The following KCND3 variants were observed in gnomAD, a reference collection of about 807,000 sequenced individuals.
The protein encoded by KCND3 is potassium voltage-gated channel subfamily D member 3, also known as A-type voltage-gated potassium channel KCND3.
A neutral mutation model predicts 51.1 loss-of-function variants in KCND3; 9 were observed. The observed-to-expected ratio is 0.18, with a 90% CI of 0.11 to 0.31. The LOEUF (loss-of-function observed/expected upper bound fraction) is 0.31, where lower values mean the gene tolerates loss of function less well. Among genes scored for constraint, KCND3 ranks in the 10% least tolerant of loss-of-function variants. The pLI is 1.00. For synonymous variants in KCND3, 349 were observed against 368.0 expected, an observed-to-expected ratio of 0.95 and a Z score of 0.59; for missense variants, 526 against 903.8, an observed-to-expected ratio of 0.58 and a Z score of 5.36.
At chr1:111,881,047 T>C (rs934516455) in intron 2 of KCND3, among the ~76,000 whole-genome samples, 1 of 152,120 alleles carries the variant, frequency 6.6e-6, no homozygotes, top group Non-Finnish European at 1.5e-5. Flanking sequence ...CTCTCCCATC[T>C]CAGCTGCTGG....
intron 2 of KCND3, among the ~76,000 whole-genome samples, chr1:111,941,254 A>C (rs1033570012): frequency 6.6e-6 from 1 of 152,082 alleles, no homozygotes; most frequent in Non-Finnish European, 1.5e-5. Context: ...ACATTGTGGA[A>C]GGGTGTCGGC....
At chr1:111,826,576 T>G (rs1473524260) in intron 2 of KCND3, among the ~76,000 whole-genome samples, 1 of 152,190 alleles carries the variant, frequency 6.6e-6, no homozygotes. Context: ...TCAGGGCTCT[T>G]AATCTTTCTA....
intron 2 of KCND3, among the ~76,000 whole-genome samples, chr1:111,931,075 A>C (rs2101861035): frequency 6.6e-6 from 1 of 152,366 alleles, no homozygotes. Context: ...AGGAAAGCAC[A>C]GAAGAGTGTC....
Position 111,942,891 on chromosome 1 carries a change from G to C in KCND3, c.1106+38730C>G, listed in dbSNP as rs1437192978. On this transcript the variant is annotated intron_variant, in intron 2 of 7. Coordinates refer to ENST00000302127, the MANE Select transcript of KCND3 (RefSeq NM_001378969.1). ...AGGAAGTGCAGAACTTGGACTTCCC[G>C]GCCTTCTTTCTGACACAAAAGTGGA... Among the ~76,000 whole-genome samples the C allele has an allele frequency of 2.0e-5, 3 of 152,248 alleles. No homozygotes were observed. In the East Asian group the frequency reaches 5.8e-4, roughly 29 times the overall value.
chr1:111,950,552 G>A (rs186864252), intron 2 of KCND3, among the ~76,000 whole-genome samples: 2 of 152,316 alleles, frequency 1.3e-5, no homozygotes, highest in East Asian at 3.9e-4. Flanking sequence ...ATTGAATGGA[G>A]GCATGTCCTG....
intron 2 of KCND3, among the ~76,000 whole-genome samples, chr1:111,928,669 A>G (rs1055246326): frequency 8.5e-5 from 13 of 152,226 alleles, no homozygotes; most frequent in Non-Finnish European, 1.8e-4. Flanking sequence ...CCAGGAACGA[A>G]GAAGCTGCTG....
chr1:111,951,160 A>G (rs1416160832), intron 2 of KCND3, among the ~76,000 whole-genome samples: 3 of 111,276 alleles, frequency 2.7e-5, no homozygotes, highest in Non-Finnish European at 3.6e-5. Context: ...ACAAGAGCAA[A>G]AAAAAAAAAA....
chr1:111,817,505 C>T (rs1285435648), intron 2 of KCND3, among the ~76,000 whole-genome samples: 1 of 152,130 alleles, frequency 6.6e-6, no homozygotes, highest in African/African-American at 2.4e-5. Context: ...ATGACTTACA[C>T]TGGGGGGTTA....
At chr1:111,867,853 G>C (rs939451404) in intron 2 of KCND3, among the ~76,000 whole-genome samples, 1 of 152,198 alleles carries the variant, frequency 6.6e-6, no homozygotes, top group African/African-American at 2.4e-5. Flanking sequence ...GTCTTCATAG[G>C]TAAGAGCACA....
chr1:111,947,230 A>G (rs532647248), intron 2 of KCND3, among the ~76,000 whole-genome samples: 25 of 152,314 alleles, frequency 1.6e-4, no homozygotes, highest in African/African-American at 6.0e-4. Flanking sequence ...AATTTTGCCC[A>G]ATTCCTGTGT....
chr1:111,951,933 C>T (rs1382751432), intron 2 of KCND3, among the ~76,000 whole-genome samples: 1 of 152,152 alleles, frequency 6.6e-6, no homozygotes, highest in Non-Finnish European at 1.5e-5. Context: ...TACAGAAAGA[C>T]AGCAGGGATT....
intron 2 of KCND3, among the ~76,000 whole-genome samples, chr1:111,975,488 C>T (rs555192384): frequency 2.0e-5 from 3 of 152,270 alleles, no homozygotes; most frequent in South Asian, 2.1e-4. Context: ...GAATTGCTTA[C>T]TTCTCCCATC....
At chr1:111,806,324 C>T (rs528084351) in intron 2 of KCND3, among the ~76,000 whole-genome samples, 3 of 152,346 alleles carry the variant, frequency 2.0e-5, no homozygotes, top group South Asian at 2.1e-4. Context: ...GTGGCCCTCA[C>T]GGCCCGGCCC....
chr1:111,835,738 CA>C (rs2101629482), intron 2 of KCND3, among the ~76,000 whole-genome samples: 1 of 152,348 alleles, frequency 6.6e-6, no homozygotes, highest in African/African-American at 2.4e-5. Flanking sequence ...GCCCTTTTCC[CA>C]GAAAACTTAT....
chr1:111,924,996 G>A (rs949010055), intron 2 of KCND3, among the ~76,000 whole-genome samples: 2 of 152,204 alleles, frequency 1.3e-5, no homozygotes, highest in African/African-American at 4.8e-5. Context: ...CACCTTGTGG[G>A]CAACCCGACC....
intron 2 of KCND3, among the ~76,000 whole-genome samples, chr1:111,950,423 G>GA (rs1673003781): frequency 6.6e-6 from 1 of 152,162 alleles, no homozygotes; most frequent in Non-Finnish European, 1.5e-5. Context: ...TCAAGTGCAA[G>GA]ACTTTATCCC....
At chr1:111,960,689 G>T (rs985836423) in intron 2 of KCND3, among the ~76,000 whole-genome samples, 4 of 152,260 alleles carry the variant, frequency 2.6e-5, no homozygotes, top group Non-Finnish European at 5.9e-5. Context: ...AGGCTTGACT[G>T]AAGTGTAAAC....
rs558338757 is a variant in KCND3, at chr1:111,780,368, C to T, written c.1372-54G>A. The T allele has an allele frequency of 6.1e-5, 90 of 1,471,366 alleles. 1 individual carries two copies. The South Asian group carries it at 8.4e-4, about 14-fold the overall frequency. The allele number at this position is 1,471,366 out of a possible 1,614,324, so 91.1% of individuals were successfully genotyped here. On this transcript the variant is annotated intron_variant, in intron 4 of 7. Coordinates refer to ENST00000302127, the MANE Select transcript of KCND3 (RefSeq NM_001378969.1). This position sits in a 1 kb window ranked among gnomAD's most constrained non-coding sequence, Gnocchi z 4.2. ...AAAAGCTGGTGGCTCTTCCCCTCTCCAGCTCCTTCATTTCTCCACTAAAGG... is the reference window on the plus strand; with the variant it reads ...AAAAGCTGGTGGCTCTTCCCCTCTCTAGCTCCTTCATTTCTCCACTAAAGG...
Position 111,930,381 on chromosome 1 carries a change from G to A in KCND3, c.1106+51240C>T, listed in dbSNP as rs141064399. ...CGTTTAATGTGACACCAGAACTGGC[G>A]TCTTCATCCGTGGCTGGGAAAGCAT... On this transcript the variant is annotated intron_variant, in intron 2 of 7. Transcript: ENST00000302127. 1.2e-3 allele frequency among the ~76,000 whole-genome samples: 184 copies of A among 152,342 alleles called. 2 individuals are homozygous for A. The highest frequency in any genetic ancestry group is 3.8e-3 in the African/African-American group (160 of 41,580).
Sources: gnomAD v4.1 joint callset for allele counts (sites outside exome capture counted in the v4.1 genomes callset) on GRCh38, gnomAD v4.1.1 for gene constraint, Gnocchi (gnomAD v3.1) non-coding constraint, MANE v1.5 for transcripts, NCBI Gene and HGNC (gene_info 2026-07-23, HGNC 2026-07-21) for gene names.